IL17RA: variants seen among roughly 807,000 people sequenced by gnomAD.
The protein encoded by IL17RA is interleukin-17 receptor A.
In IL17RA, 34 loss-of-function variants were observed where a neutral mutation model predicts 50.4. That is an observed-to-expected ratio of 0.67 (90% CI 0.51 to 0.90). The LOEUF (loss-of-function observed/expected upper bound fraction) is 0.90. IL17RA is among the 40% of genes least tolerant of loss of function. IL17RA has a pLI of 0.00. For missense variants in IL17RA, 1,276 were observed against 1,169.8 expected (o/e 1.09, Z -1.32); for synonymous variants, 585 against 510.4 (o/e 1.15, Z -1.97).
At chr22:17,099,026 C>G in intron 4 of IL17RA, 139 bp downstream of exon 4, 1 of 743,812 alleles carries the variant, frequency 1.3e-6, no homozygotes, top group East Asian at 2.7e-5. Context: ...GAATGGCAGC[C>G]TGAGATGGGC....
At position 17,109,469 on chromosome 22, in the gene IL17RA, C is replaced by A; in HGVS notation, c.2250C>A (p.Gly750=). ...LPEDVREHLE[G]LMLSLFEQSL... ...AGGACGTGAGGGAGCACCTCGAAGG[C>A]TTGATGCTCTCGCTCTTCGAGCAGA... Residue 750 remains glycine (G), a synonymous_variant, in exon 13 of 13, where the codon GGC becomes GGA. Transcript: ENST00000319363. 1.2e-6 allele frequency: 2 copies of A among 1,612,750 alleles called. No homozygotes were observed. Among genetic ancestry groups the A allele is most frequent in the Non-Finnish European group, 1.7e-6 (2 of 1,179,784 alleles).
chr22:17,105,028 C>T (rs1027895631), intron 9 of IL17RA, among the ~76,000 whole-genome samples: 1 of 152,176 alleles, frequency 6.6e-6, no homozygotes, highest in South Asian at 2.1e-4. Context: ...TAGCCTTAGG[C>T]AAATTACTTA....
chr22:17,097,607 T>C, intron 2 of IL17RA, 190 bp from the exon 3 acceptor site: 1 of 629,754 alleles, frequency 1.6e-6, no homozygotes, highest in Non-Finnish European at 2.8e-6. Flanking sequence ...ACTTGAGAGG[T>C]TTGCAGTGAC....
Position 17,109,827 on chromosome 22 carries a change from C to A in IL17RA, c.*7C>A. ...AGAGGGGCCCAGTGCATGAGGGCGGCTCCCCAGGGACCGCCCAGATCCCAG... is the reference window on the plus strand; with the variant it reads ...AGAGGGGCCCAGTGCATGAGGGCGGATCCCCAGGGACCGCCCAGATCCCAG... On this transcript the variant is annotated 3_prime_UTR_variant, in exon 13 of 13. Coordinates refer to ENST00000319363, the MANE Select transcript of IL17RA (RefSeq NM_014339.7). 1 of 1,548,394 alleles carries A rather than the reference C, an allele frequency of 6.5e-7. No individual in the cohort carries two copies. The highest frequency in any genetic ancestry group is 8.7e-7 in the Non-Finnish European group (1 of 1,146,766).
chr22:17,107,230 T>C (rs1001121095), intron 11 of IL17RA, among the ~76,000 whole-genome samples: 4 of 152,290 alleles, frequency 2.6e-5, no homozygotes, highest in Admixed American at 2.6e-4. Flanking sequence ...ATGCATGTCT[T>C]CTGTAAAGAC....
At chr22:17,094,691 C>CTCTCTCTCTA (rs1448096911) in intron 1 of IL17RA, among the ~76,000 whole-genome samples, 3 of 24,702 alleles carry the variant, frequency 1.2e-4, no homozygotes, top group African/African-American at 2.3e-4. Context: ...CTCTCTCTCT[C>CTCTCTCTCTA]TATATATATA....
At position 17,108,333 on chromosome 22, in the gene IL17RA, C is replaced by A; in HGVS notation, c.1114C>A (p.Pro372Thr). ...TGGCCTGCCTGCGGCTGACCTGATCCCCCCACCGCTGAAGCCCAGGAAGGT... is the reference window on the plus strand; with the variant it reads ...TGGCCTGCCTGCGGCTGACCTGATCACCCCACCGCTGAAGCCCAGGAAGGT... ...TDGLPAADLI[P>T]PPLKPRKVWI... The change falls in exon 13 of 13, where the codon CCC becomes ACC. Residue 372 changes from proline (P) to threonine (T), a missense_variant. Coordinates refer to ENST00000319363, the MANE Select transcript of IL17RA (RefSeq NM_014339.7). 2 of 1,614,128 alleles carry A rather than the reference C, an allele frequency of 1.2e-6. No individual in the cohort carries two copies. The highest frequency in any genetic ancestry group is 1.7e-6 in the Non-Finnish European group (2 of 1,180,010).
rs774982179 is a variant in IL17RA, at chr22:17,094,654, A to ACTCTCTCTCT, written c.139-2407_139-2406insTCTCTCTCTC. Among the ~76,000 whole-genome samples the ACTCTCTCTCT allele has an allele frequency of 2.3e-3, 49 of 21,616 alleles. 3 individuals carry two copies. Among genetic ancestry groups the ACTCTCTCTCT allele is most frequent in the African/African-American group, 4.6e-3 (16 of 3,470 alleles). 14.2% of individuals were successfully genotyped at this position (21,616 alleles called of 152,430 possible). On this transcript the variant is annotated intron_variant, in intron 1 of 12. Coordinates refer to ENST00000319363, the MANE Select transcript of IL17RA (RefSeq NM_014339.7). The stretch of plus-strand genomic sequence containing the variant: ...TTTCTATTCTCATTTAGTCATACAC[A>ACTCTCTCTCT]CACTCTCTCTCTCTCTCTCTCTCTC...
intron 5 of IL17RA, among the ~76,000 whole-genome samples, chr22:17,101,031 GCTCAGCTATTACCTACATTTCT>G (rs1377158964): frequency 6.6e-6 from 1 of 152,168 alleles, no homozygotes; most frequent in African/African-American, 2.4e-5. Context: ...CTCCCCAGAA[GCTCAGCTATTACCTACATTTCT>G]CTCTTTTTGT....
chr22:17,086,733 G>C (rs1213363870), intron 1 of IL17RA, among the ~76,000 whole-genome samples: 1 of 152,210 alleles, frequency 6.6e-6, no homozygotes, highest in Non-Finnish European at 1.5e-5. Context: ...TTCCAGTTGG[G>C]GTGTCCTTCA....
Position 17,111,597 on chromosome 22 carries a change from T to A in IL17RA, c.*1777T>A, listed in dbSNP as rs959609453. The A allele has an allele frequency of 6.6e-6, 1 of 152,116 alleles. No homozygotes were observed. The highest frequency in any genetic ancestry group is 2.4e-5 in the African/African-American group (1 of 41,410). The allele number at this position is 152,116 out of a possible 1,614,324, so 9.4% of individuals were successfully genotyped here. A position where few individuals can be genotyped will look rare whatever the true frequency, so the allele number is the denominator to read the frequency against. On this transcript the variant is annotated 3_prime_UTR_variant, in exon 13 of 13. Transcript: ENST00000319363. ...GGCTTCAGGGTCCTGAAGAACACAT[T>A]GAGGTGCCGTCTGACACTGGAATAG...
intron 4 of IL17RA, among the ~76,000 whole-genome samples, chr22:17,099,822 A>G (rs182853038): frequency 3.3e-5 from 5 of 152,262 alleles, no homozygotes; most frequent in Admixed American, 6.5e-5. Context: ...CTTAGCACAA[A>G]TTCAAATATC....
chr22:17,106,830 G>A (rs2061416929), intron 11 of IL17RA, among the ~76,000 whole-genome samples: 2 of 152,064 alleles, frequency 1.3e-5, no homozygotes, highest in African/African-American at 2.4e-5. Context: ...TCCACAGGCG[G>A]TGCAGCTCTC....
In IL17RA at chr22:17,109,150, G is replaced by GAGC; in HGVS notation, c.1937_1939dup (p.Ala646dup). The GAGC allele has an allele frequency of 4.6e-6, 7 of 1,534,702 alleles. No individual in the cohort carries two copies. Among genetic ancestry groups the GAGC allele is most frequent in the Non-Finnish European group, 6.1e-6 (7 of 1,146,974 alleles). ...GACCCGCTGGTCGGGGAGGAAGGAG[G>GAGC]AGCAGCAGTGGCAAAGCTGGAACCT... On this transcript the variant is annotated inframe_insertion, in exon 13 of 13. Transcript: ENST00000319363.
Position 17,105,857 on chromosome 22 carries a change from C to CA in IL17RA, c.949dup (p.Met317AsnfsTer37), listed in dbSNP as rs1568922178. The CA allele has an allele frequency of 2.5e-6, 4 of 1,613,728 alleles. No homozygotes were observed. Among genetic ancestry groups the CA allele is most frequent in the Non-Finnish European group, 3.4e-6 (4 of 1,179,716 alleles). On this transcript the variant is annotated frameshift_variant, in exon 11 of 13. Transcript: ENST00000319363. LOFTEE classifies it high-confidence loss of function. Reference sequence around the variant, plus strand: ...ACGCTGTTCTGCTCACCGCAGACTACATGCCCCTGTGGGTGTACTGGTTCA... The same window carrying CA: ...ACGCTGTTCTGCTCACCGCAGACTACAATGCCCCTGTGGGTGTACTGGTTCA...
chr22:17,106,212 G>A (rs1346418376), intron 11 of IL17RA, among the ~76,000 whole-genome samples: 3 of 152,196 alleles, frequency 2.0e-5, no homozygotes, highest in Non-Finnish European at 2.9e-5. Flanking sequence ...TCAATAGTTT[G>A]GAAGGAGCCG....
At position 17,105,602 on chromosome 22, in the gene IL17RA, G is replaced by T; in HGVS notation, c.943G>T (p.Asp315Tyr). ...TGTTCTCATTGCAGAACCAATTCCGGGTAAGCTTGGATCTCTCTCCGACAG... is the reference window on the plus strand; with the variant it reads ...TGTTCTCATTGCAGAACCAATTCCGTGTAAGCTTGGATCTCTCTCCGACAG... ...EMPDTPEPIPDYMPLWVYWFI... is the reference protein window; with the variant it reads ...EMPDTPEPIPYYMPLWVYWFI... The change falls in exon 10 of 13, where the codon GAC becomes TAC. Residue 315 changes from aspartate (D) to tyrosine (Y), a missense_variant and splice_region_variant. Asp to Tyr is a radical substitution (Grantham distance 160, BLOSUM62 -3). Transcript: ENST00000319363. 1 of 1,613,464 alleles carries T rather than the reference G, an allele frequency of 6.2e-7. No homozygotes were observed. Among genetic ancestry groups the T allele is most frequent in the Non-Finnish European group, 8.5e-7 (1 of 1,179,376 alleles).
In IL17RA at chr22:17,097,961, C is replaced by T. The variant is rs2123798225; in HGVS notation, c.310+18C>T. The T allele has an allele frequency of 6.2e-7, 1 of 1,613,608 alleles. No homozygotes were observed. Among genetic ancestry groups the T allele is most frequent in the African/African-American group, 1.3e-5 (1 of 75,056 alleles). On this transcript the variant is annotated intron_variant, in intron 3 of 12. Coordinates refer to ENST00000319363, the MANE Select transcript of IL17RA (RefSeq NM_014339.7). ...GACAGACGGTGAGTGGGCATGCCAG[C>T]AGGGCCCTGGGGGATTCTCCCTGCC...
intron 11 of IL17RA, among the ~76,000 whole-genome samples, chr22:17,106,221 C>T (rs896527137): frequency 4.6e-5 from 7 of 152,132 alleles, no homozygotes; most frequent in African/African-American, 7.2e-5. Flanking sequence ...TGGAAGGAGC[C>T]GGAGTAAAGT....
Sources: allele counts gnomAD v4.1 joint callset (sites outside exome capture counted in the v4.1 genomes callset), GRCh38; gene constraint gnomAD v4.1.1; transcripts MANE v1.5; gene names NCBI Gene and HGNC (gene_info 2026-07-23, HGNC 2026-07-21).